Variants in TATDN1 observed in about 807,000 individuals in gnomAD.
TATDN1 encodes the protein TatD DNase domain containing 1.
TATDN1 carries 40 observed loss-of-function variants against 46.4 expected under a neutral mutation model. That is an observed-to-expected ratio of 0.86 (90% CI 0.67 to 1.12). The LOEUF is 1.12. Among genes scored for constraint, TATDN1 ranks in the 50% most tolerant of loss-of-function variants. The pLI is 0.00. For synonymous variants in TATDN1, 95 were observed against 105.6 expected (o/e 0.90, Z 0.62); for missense variants, 326 against 348.4 (o/e 0.94, Z 0.51).
rs1165559840 is a variant in TATDN1 at position 124,488,683 on chromosome 8, T to C, written c.805A>G (p.Ile269Val). The C allele has an allele frequency of 6.2e-7, 1 of 1,601,128 alleles. No individual in the cohort carries two copies. Among genetic ancestry groups the C allele is most frequent in the East Asian group, 2.2e-5 (1 of 44,672 alleles). ...EPCHIIQILE[I>V]MSAVRDEDPL... is the part of the protein sequence containing the mutation. The stretch of plus-strand genomic sequence containing the variant: ...TCCTCATCTCTCACTGCTGACATTA[T>C]CTCCAATATTTGACTAAAACAAAAC... The change falls in exon 12 of 12, where the codon ATA becomes GTA. Residue 269 changes from isoleucine (I) to valine (V), a missense_variant. Physicochemically the swap from Ile to Val is conservative, Grantham distance 29 (BLOSUM62 3). Coordinates refer to ENST00000276692, the MANE Select transcript of TATDN1 (RefSeq NM_032026.4).
At chr8:124,513,422 T>C (rs557745627) in intron 6 of TATDN1, among the ~76,000 whole-genome samples, 1 of 152,324 alleles carries the variant, frequency 6.6e-6, no homozygotes, top group African/African-American at 2.4e-5. Context: ...ACTTCCAACC[T>C]ATTTTAATTA....
At chr8:124,521,977 C>T (rs188246110) in intron 3 of TATDN1, 174 bp downstream of exon 3, 75 of 508,686 alleles carry the variant, frequency 1.5e-4, no homozygotes, top group African/African-American at 1.3e-3. Flanking sequence ...ACTTAAATTG[C>T]TATGAACAGA....
chr8:124,511,549 T>G (rs955248961), intron 6 of TATDN1, among the ~76,000 whole-genome samples: 1 of 151,912 alleles, frequency 6.6e-6, no homozygotes. Flanking sequence ...AGGAAAGGAG[T>G]GTAGCATAAG....
At chr8:124,508,114 T>TA (rs1818670265) in intron 8 of TATDN1, among the ~76,000 whole-genome samples, 1 of 152,240 alleles carries the variant, frequency 6.6e-6, no homozygotes, top group Admixed American at 6.5e-5. Context: ...ACATAAATGT[T>TA]AAGTATCCCT....
At chr8:124,517,331 G>A (rs1433170727) in intron 4 of TATDN1, among the ~76,000 whole-genome samples, 1 of 152,014 alleles carries the variant, frequency 6.6e-6, no homozygotes, top group Non-Finnish European at 1.5e-5. Context: ...AGGAGGCTGA[G>A]GCAGGAGAAT....
At position 124,516,041 on chromosome 8, in the gene TATDN1, AT is replaced by A; in HGVS notation, c.203-12del. Reference sequence around the variant, plus strand: ...TACTGAAAAACATACCTAACAGAAAATAATGTCTTAGGATTATTTTCAAAGT... The same window carrying A: ...TACTGAAAAACATACCTAACAGAAAAAATGTCTTAGGATTATTTTCAAAGT... On this transcript the variant is annotated splice_polypyrimidine_tract_variant and intron_variant, in intron 4 of 11. Coordinates refer to ENST00000276692, the MANE Select transcript of TATDN1 (RefSeq NM_032026.4). 6.3e-7 allele frequency: 1 copy of A among 1,590,624 alleles called. No individual in the cohort carries two copies. The highest frequency in any genetic ancestry group is 1.2e-5 in the South Asian group (1 of 85,636).
intron 9 of TATDN1, among the ~76,000 whole-genome samples, chr8:124,499,881 G>T (rs1586576187): frequency 6.8e-6 from 1 of 146,404 alleles, no homozygotes; most frequent in East Asian, 2.0e-4. Context: ...AGTCTGGTCT[G>T]TTGCCCAGGC....
chr8:124,504,347 C>T lies in TATDN1; in HGVS notation c.517G>A (p.Val173Met), dbSNP rs369523223. The change falls in exon 9 of 12, where the codon GTG becomes ATG. Residue 173 changes from valine to methionine, a missense_variant and splice_region_variant. Transcript: ENST00000276692. Reference sequence around the variant, plus strand: ...TCCTTGGTACCATCAAATGAATGCACCTGGGGACATACAGGTATAAGTTTA... The same window carrying T: ...TCCTTGGTACCATCAAATGAATGCATCTGGGGACATACAGGTATAAGTTTA... ...RNRDRCVGGV[V>M]HSFDGTKEAA... is the part of the protein sequence containing the mutation. The T allele has an allele frequency of 6.3e-7, 1 of 1,589,564 alleles. No homozygotes were observed. Among genetic ancestry groups the T allele is most frequent in the African/African-American group, 1.3e-5 (1 of 74,078 alleles).
At chr8:124,514,025 A>G (rs1268386152) in intron 6 of TATDN1, among the ~76,000 whole-genome samples, 1 of 152,244 alleles carries the variant, frequency 6.6e-6, no homozygotes, top group Non-Finnish European at 1.5e-5. Context: ...GCAAATCAGC[A>G]AATAATATAC....
At chr8:124,504,105 G>A (rs1818204724) in intron 9 of TATDN1, 166 bp downstream of exon 9, 1 of 703,850 alleles carries the variant, frequency 1.4e-6, no homozygotes, top group Non-Finnish European at 2.3e-6. Context: ...TAATAGTAAT[G>A]TACTGTTTAA....
At chr8:124,503,946 A>T in intron 9 of TATDN1, 1 of 1,308,686 alleles carries the variant, frequency 7.6e-7, no homozygotes, top group African/African-American at 1.5e-5. Flanking sequence ...ATATGTATAC[A>T]TAATGCTGTG....
chr8:124,527,944 G>A (rs11776528), intron 1 of TATDN1, among the ~76,000 whole-genome samples: 21,606 of 151,810 alleles, frequency 0.14, 1,904 homozygotes, highest in Non-Finnish European at 0.2. Flanking sequence ...TAAGTTCTAC[G>A]CACTGAGCCA....
intron 1 of TATDN1, among the ~76,000 whole-genome samples, chr8:124,530,626 C>T (rs1820872594): frequency 6.6e-6 from 1 of 152,204 alleles, no homozygotes; most frequent in African/African-American, 2.4e-5. Flanking sequence ...GAACATCTCA[C>T]TACAGGAACA....
At chr8:124,536,072 G>A (rs1484789137) in intron 1 of TATDN1, among the ~76,000 whole-genome samples, 5 of 152,154 alleles carry the variant, frequency 3.3e-5, no homozygotes, top group Admixed American at 2.6e-4. Flanking sequence ...TTTGTATTTT[G>A]CATTTTCTTC....
intron 11 of TATDN1, chr8:124,489,776 A>G (rs76791761): frequency 6.6e-6 from 1 of 152,242 alleles, no homozygotes; most frequent in Non-Finnish European, 1.5e-5. Flanking sequence ...CTTATTATAT[A>G]TAAGTGGAAG....
At chr8:124,519,029 T>C (rs1225348863) in intron 3 of TATDN1, 148 bp from the exon 4 acceptor site, 2 of 615,486 alleles carry the variant, frequency 3.2e-6, no homozygotes, top group East Asian at 5.6e-5. Flanking sequence ...AGCTGGGAGA[T>C]TACCTCCTAT....
intron 2 of TATDN1, 111 bp from the exon 3 acceptor site, chr8:124,522,311 T>G (rs1820119708): frequency 1.4e-6 from 1 of 720,500 alleles, no homozygotes; most frequent in East Asian, 2.6e-5. Flanking sequence ...AATTATAAAC[T>G]TCTACAGGTA....
chr8:124,535,340 G>T (rs1370226020), intron 1 of TATDN1, among the ~76,000 whole-genome samples: 1 of 152,200 alleles, frequency 6.6e-6, no homozygotes, highest in Non-Finnish European at 1.5e-5. Flanking sequence ...TAGAGATCAC[G>T]TGGCCCTCAA....
At chr8:124,517,988 G>T (rs1819638591) in intron 4 of TATDN1, among the ~76,000 whole-genome samples, 2 of 151,918 alleles carry the variant, frequency 1.3e-5, no homozygotes, top group Admixed American at 1.3e-4. Context: ...GAGGCAGGCG[G>T]ATCACGAGGT....
Sources: allele counts gnomAD v4.1 joint callset (sites outside exome capture counted in the v4.1 genomes callset), GRCh38; gene constraint gnomAD v4.1.1; transcripts MANE v1.5; gene names NCBI Gene and HGNC (gene_info 2026-07-23, HGNC 2026-07-21).